Variants in RBFOX1 observed in about 807,000 individuals in gnomAD.
RBFOX1 encodes RNA binding protein fox-1 homolog 1.
In RBFOX1, 8 loss-of-function variants were observed where a neutral mutation model predicts 57.7. The ratio of observed to expected loss-of-function variants is 0.14; its 90% CI spans 0.08 to 0.25. RBFOX1 has a LOEUF of 0.25. Among genes scored for constraint, RBFOX1 ranks in the 10% least tolerant of loss-of-function variants. RBFOX1 has a pLI of 1.00. For missense variants in RBFOX1, 611 were observed against 548.5 expected (o/e 1.11, Z -1.14); for synonymous variants, 326 against 222.4 (o/e 1.47, Z -4.15).
chr16:7,499,380 C>G (rs986826840), intron 4 of RBFOX1, among the ~76,000 whole-genome samples: 1 of 152,146 alleles, frequency 6.6e-6, no homozygotes, highest in African/African-American at 2.4e-5. Flanking sequence ...CAGGCATGAC[C>G]TCATCTTAAC....
chr16:6,729,839 C>T (rs904006985), intron 3 of RBFOX1, among the ~76,000 whole-genome samples: 1 of 151,962 alleles, frequency 6.6e-6, no homozygotes, highest in Non-Finnish European at 1.5e-5. Context: ...GCTGAAGTAT[C>T]GTGGGACAAA....
chr16:7,699,857 G>A (rs754732013), intron 14 of RBFOX1, among the ~76,000 whole-genome samples: 42 of 152,094 alleles, frequency 2.8e-4, no homozygotes, highest in Non-Finnish European at 5.4e-4. Flanking sequence ...TGGCTCAAAT[G>A]AATATTGAAA....
chr16:5,354,506 G>A (rs1244837963), intron 1 of RBFOX1, among the ~76,000 whole-genome samples: 1 of 152,180 alleles, frequency 6.6e-6, no homozygotes, highest in Non-Finnish European at 1.5e-5. Context: ...GCTGCTTGGG[G>A]GTTAAATGAG....
intron 3 of RBFOX1, among the ~76,000 whole-genome samples, chr16:6,902,936 T>A (rs2068840237): frequency 6.6e-6 from 1 of 152,194 alleles, no homozygotes; most frequent in South Asian, 2.1e-4. Context: ...TCTTTACTTG[T>A]TCGGGGCTTA....
intron 3 of RBFOX1, among the ~76,000 whole-genome samples, chr16:7,004,455 G>A (rs978553927): frequency 3.3e-5 from 5 of 152,160 alleles, no homozygotes; most frequent in Non-Finnish European, 5.9e-5. Flanking sequence ...ACCATAGCCT[G>A]GATTTGAAGG....
chr16:6,699,650 A>G (rs770574756), intron 3 of RBFOX1, among the ~76,000 whole-genome samples: 27 of 152,176 alleles, frequency 1.8e-4, no homozygotes, highest in African/African-American at 6.0e-4. Context: ...TCATCTGTCA[A>G]CCAGCCCCTG....
chr16:6,636,788 ATAATATAT>A (rs1386758542), intron 2 of RBFOX1, among the ~76,000 whole-genome samples: 425 of 17,366 alleles, frequency 0.024, 7 homozygotes, highest in African/African-American at 0.053. Context: ...TATATAATAT[ATAATATAT>A]GTTATATATA....
chr16:6,953,023 T>G (rs1008845279), intron 3 of RBFOX1, among the ~76,000 whole-genome samples: 3 of 152,134 alleles, frequency 2.0e-5, no homozygotes, highest in Non-Finnish European at 4.4e-5. Flanking sequence ...TTACCTCACC[T>G]GGCAATGTAT....
chr16:6,211,336 C>T (rs777905382), intron 1 of RBFOX1, among the ~76,000 whole-genome samples: 2 of 150,850 alleles, frequency 1.3e-5, no homozygotes, highest in Non-Finnish European at 1.5e-5. Flanking sequence ...TCATGCCATT[C>T]TTCTACCTCA....
chr16:6,642,031 G>C (rs927615000), intron 2 of RBFOX1, among the ~76,000 whole-genome samples: 4 of 152,162 alleles, frequency 2.6e-5, no homozygotes, highest in African/African-American at 9.7e-5. Context: ...ATTAGAACAA[G>C]AAAATACTTG....
chr16:5,291,040 T>C (rs939441013), intron 1 of RBFOX1, among the ~76,000 whole-genome samples: 1 of 152,126 alleles, frequency 6.6e-6, no homozygotes, highest in Non-Finnish European at 1.5e-5. Context: ...GGCTGAAGCC[T>C]GCAGGGCAAG....
intron 2 of RBFOX1, among the ~76,000 whole-genome samples, chr16:5,520,178 G>A (rs186170300): frequency 1.5e-3 from 225 of 152,282 alleles, no homozygotes; most frequent in Non-Finnish European, 2.4e-3. Flanking sequence ...TGGCTGGAGA[G>A]AGATGAGTGA....
chr16:6,982,945 C>T (rs1050815592), intron 3 of RBFOX1, among the ~76,000 whole-genome samples: 3 of 126,158 alleles, frequency 2.4e-5, no homozygotes, highest in Admixed American at 9.8e-5. Flanking sequence ...AGTGAGATAA[C>T]ATCATGCCAT....
chr16:6,206,772 G>T (rs569080770), intron 1 of RBFOX1, among the ~76,000 whole-genome samples: 1 of 152,114 alleles, frequency 6.6e-6, no homozygotes, highest in Non-Finnish European at 1.5e-5. Flanking sequence ...GGTGCAGCAG[G>T]CTCTCCCTCC....
At chr16:7,442,303 C>T (rs1378996804) in intron 4 of RBFOX1, among the ~76,000 whole-genome samples, 2 of 152,170 alleles carry the variant, frequency 1.3e-5, no homozygotes, top group Non-Finnish European at 2.9e-5. Context: ...CCTCTGCCTT[C>T]TCCAGCAGCA....
intron 2 of RBFOX1, among the ~76,000 whole-genome samples, chr16:5,478,383 T>C (rs1026275907): frequency 6.6e-6 from 1 of 152,092 alleles, no homozygotes; most frequent in Non-Finnish European, 1.5e-5. Flanking sequence ...GAACGGGTAA[T>C]GAATGTGCAG....
At chr16:5,429,323 G>T (rs2067659276) in intron 1 of RBFOX1, among the ~76,000 whole-genome samples, 1 of 152,186 alleles carries the variant, frequency 6.6e-6, no homozygotes, top group Non-Finnish European at 1.5e-5. Context: ...GGTTCATAAG[G>T]ATTTCTCCGC....
At position 6,443,743 on chromosome 16, in the gene RBFOX1, C is replaced by T. The variant is rs115656886; in HGVS notation, c.-64+126686C>T. ...TTAATTTGTTCATCCAGCCATCTTT[C>T]CATCTGTCCATCTACCCATCTACCC... On this transcript the variant is annotated intron_variant, in intron 2 of 15. Coordinates refer to ENST00000550418, the MANE Select transcript of RBFOX1 (RefSeq NM_018723.4). Among the ~76,000 whole-genome samples, 1,400 of 152,258 alleles carry T rather than the reference C, an allele frequency of 9.2e-3. 25 individuals are homozygous for T. Among genetic ancestry groups the T allele is most frequent in the African/African-American group, 0.032 (1,336 of 41,548 alleles).
chr16:7,146,621 A>G (rs933483476), intron 4 of RBFOX1, among the ~76,000 whole-genome samples: 24 of 152,064 alleles, frequency 1.6e-4, no homozygotes, highest in Admixed American at 5.9e-4. Context: ...ATTCTTCAGC[A>G]CTCCAGAAAC....
Sources: gnomAD v4.1 joint callset for allele counts (sites outside exome capture counted in the v4.1 genomes callset) on GRCh38, gnomAD v4.1.1 for gene constraint, MANE v1.5 for transcripts, NCBI Gene and HGNC (gene_info 2026-07-23, HGNC 2026-07-21) for gene names.